CFAP299: variants seen among roughly 807,000 people sequenced by gnomAD.
The protein encoded by CFAP299 is cilia and flagella associated protein 299.
CFAP299 carries 21 observed loss-of-function variants against 27.0 expected under a neutral mutation model. That is an observed-to-expected ratio of 0.78 (90% CI 0.55 to 1.12). The LOEUF is 1.12. CFAP299 is among the 50% of genes most tolerant of loss of function. The probability of loss-of-function intolerance (pLI) is 0.00; values close to 1 mark genes in which losing one functional copy is unlikely to be tolerated. For missense variants in CFAP299, 310 were observed against 276.6 expected (o/e 1.12, Z -0.86); for synonymous variants, 104 against 98.1 (o/e 1.06, Z -0.36).
chr4:80,701,400 C>A (rs1721471419), intron 3 of CFAP299, among the ~76,000 whole-genome samples: 1 of 151,914 alleles, frequency 6.6e-6, no homozygotes, highest in African/African-American at 2.4e-5. Flanking sequence ...CTTACTTTTT[C>A]AAAAATAGCT....
At chr4:80,455,945 A>G (rs986002367) in intron 2 of CFAP299, among the ~76,000 whole-genome samples, 2 of 152,128 alleles carry the variant, frequency 1.3e-5, no homozygotes, top group African/African-American at 4.8e-5. Context: ...GTAGACAATA[A>G]AGAAATAAAA....
intron 2 of CFAP299, among the ~76,000 whole-genome samples, chr4:80,476,921 C>G (rs1730298847): frequency 1.3e-5 from 2 of 150,832 alleles, no homozygotes; most frequent in African/African-American, 4.9e-5. Flanking sequence ...GCCTGCTTTT[C>G]TCAGGCATTT....
At chr4:80,373,878 A>G (rs1724274497) in intron 2 of CFAP299, among the ~76,000 whole-genome samples, 1 of 151,686 alleles carries the variant, frequency 6.6e-6, no homozygotes, top group South Asian at 2.1e-4. Flanking sequence ...ATGCTTCAGT[A>G]ACTAGCACAT....
intron 3 of CFAP299, among the ~76,000 whole-genome samples, chr4:80,803,435 G>C (rs1728711037): frequency 6.6e-6 from 1 of 152,016 alleles, no homozygotes; most frequent in African/African-American, 2.4e-5. Context: ...TTCAAAATCT[G>C]TGTACAAAAG....
intron 3 of CFAP299, among the ~76,000 whole-genome samples, chr4:80,799,975 ATATAATATATGTAAT>A (rs1728307301): frequency 1.7e-5 from 1 of 57,762 alleles, no homozygotes; most frequent in African/African-American, 7.2e-5. Context: ...TATTTATATA[ATATAATATATGTAAT>A]ATATATTATG....
At chr4:80,326,123 A>G in the CFAP299 span, among the ~76,000 whole-genome samples, 12 of 152,174 alleles carry the variant, frequency 7.9e-5, no homozygotes, top group African/African-American at 2.4e-4. Context: ...AATTAATTCC[A>G]TAATCTAGTT....
chr4:80,508,625 C>T (rs897763652), intron 2 of CFAP299, among the ~76,000 whole-genome samples: 3 of 152,102 alleles, frequency 2.0e-5, no homozygotes, highest in Admixed American at 6.6e-5. Context: ...GTGGTGTGAT[C>T]ATGGCTCACT....
intron 4 of CFAP299, among the ~76,000 whole-genome samples, chr4:80,929,968 T>C (rs916072339): frequency 2.0e-5 from 3 of 152,166 alleles, no homozygotes; most frequent in African/African-American, 7.2e-5. Context: ...CAAAGTGATG[T>C]CTTTCTGTAT....
At chr4:80,839,340 C>A (rs559351267) in intron 3 of CFAP299, among the ~76,000 whole-genome samples, 1 of 152,200 alleles carries the variant, frequency 6.6e-6, no homozygotes, top group South Asian at 2.1e-4. Flanking sequence ...CTTAAAAACA[C>A]TTACTATGTA....
intron 3 of CFAP299, among the ~76,000 whole-genome samples, chr4:80,630,692 A>G (rs1222310504): frequency 1.3e-5 from 2 of 152,208 alleles, no homozygotes; most frequent in Admixed American, 1.3e-4. Context: ...AAAGTATTTT[A>G]TTCATGAAAT....
At position 80,893,526 on chromosome 4, in the gene CFAP299, A is replaced by G. The variant is rs919761626; in HGVS notation, c.476+23391A>G. Among the ~76,000 whole-genome samples the G allele has an allele frequency of 2.0e-5, 3 of 152,050 alleles. No homozygotes were observed. The East Asian group carries it at 5.8e-4, about 29-fold the overall frequency. On this transcript the variant is annotated intron_variant, in intron 4 of 5. Transcript: ENST00000358105. ...TGCTAGCATAAAAACAGACATATAGACCAATGGAACAGAATAGAGAACACA... is the reference window on the plus strand; with the variant it reads ...TGCTAGCATAAAAACAGACATATAGGCCAATGGAACAGAATAGAGAACACA...
chr4:80,407,938 A>G lies in CFAP299; in HGVS notation c.242+45054A>G, dbSNP rs1014589185. 3.3e-5 allele frequency among the ~76,000 whole-genome samples: 5 copies of G among 152,230 alleles called. No homozygotes were observed. In the East Asian group the frequency reaches 9.6e-4, roughly 29 times the overall value. On this transcript the variant is annotated intron_variant, in intron 2 of 5. Coordinates refer to ENST00000358105, the MANE Select transcript of CFAP299 (RefSeq NM_152770.3). ...TTTGGGACTTACTTTTTCACCTAAC[A>G]TTTAATTACTAAGAATCATTCATAT...
At chr4:80,428,445 T>C (rs78000609) in intron 2 of CFAP299, among the ~76,000 whole-genome samples, 1 of 152,224 alleles carries the variant, frequency 6.6e-6, no homozygotes, top group Non-Finnish European at 1.5e-5. Context: ...TGCATAAATA[T>C]AGTAACATAT....
At chr4:80,645,758 G>C (rs1739974458) in intron 3 of CFAP299, among the ~76,000 whole-genome samples, 1 of 152,154 alleles carries the variant, frequency 6.6e-6, no homozygotes, top group African/African-American at 2.4e-5. Context: ...GTTGGGAAGA[G>C]ATGTTTGGCC....
the CFAP299 span, among the ~76,000 whole-genome samples, chr4:80,328,602 A>T: frequency 3.3e-5 from 5 of 151,968 alleles, no homozygotes; most frequent in East Asian, 5.8e-4. Context: ...AAATAGACTT[A>T]AAAAAAAGAA....
Position 80,963,617 on chromosome 4 carries a change from C to A in CFAP299, c.*5C>A, listed in dbSNP as rs1178324805. 6.5e-7 allele frequency: 1 copy of A among 1,544,562 alleles called. No individual in the cohort carries two copies. Among genetic ancestry groups the A allele is most frequent in the East Asian group, 2.3e-5 (1 of 44,168 alleles). ...ATTTCCAGAAGGAAGACTTAAGTAC[C>A]AACATGTTAATTTCCTAATAATTTG... On this transcript the variant is annotated 3_prime_UTR_variant, in exon 6 of 6. Transcript: ENST00000358105.
At chr4:80,734,096 G>C (rs1723707253) in intron 3 of CFAP299, among the ~76,000 whole-genome samples, 2 of 151,984 alleles carry the variant, frequency 1.3e-5, no homozygotes. Flanking sequence ...AGTGGATGAG[G>C]GTTTCCTTTT....
At chr4:80,483,225 G>C (rs1395132948) in intron 2 of CFAP299, among the ~76,000 whole-genome samples, 1 of 152,194 alleles carries the variant, frequency 6.6e-6, no homozygotes, top group Non-Finnish European at 1.5e-5. Context: ...GCCACGGAAT[G>C]CTGGTGACCT....
intron 3 of CFAP299, among the ~76,000 whole-genome samples, chr4:80,768,676 A>G (rs1320000395): frequency 6.6e-6 from 1 of 152,192 alleles, no homozygotes; most frequent in Non-Finnish European, 1.5e-5. Context: ...AAAGTGTTGC[A>G]TGAACTGAAT....
Sources: allele counts gnomAD v4.1 joint callset (sites outside exome capture counted in the v4.1 genomes callset), GRCh38; gene constraint gnomAD v4.1.1; transcripts MANE v1.5; gene names NCBI Gene and HGNC (gene_info 2026-07-23, HGNC 2026-07-21).